The following AK5 variants were observed in gnomAD, a reference collection of about 807,000 sequenced individuals.
AK5 encodes adenylate kinase 5, also known as adenylate kinase isoenzyme 5.
In AK5, 27 loss-of-function variants were observed where a neutral mutation model predicts 69.5. The observed-to-expected ratio is 0.39, with a 90% CI of 0.29 to 0.54. AK5 has a LOEUF of 0.54. Ranked by LOEUF, AK5 falls within the 20% of genes least tolerant of loss-of-function variation. AK5 has a pLI of 0.71. For synonymous variants in AK5, 260 were observed against 244.4 expected (o/e 1.06, Z -0.60); for missense variants, 531 against 700.4 (o/e 0.76, Z 2.73).
chr1:77,497,047 G>C (rs990704341), intron 10 of AK5, among the ~76,000 whole-genome samples: 1 of 152,174 alleles, frequency 6.6e-6, no homozygotes. Flanking sequence ...TTGTTCTTTC[G>C]CTTTTCACAA....
At position 77,454,650 on chromosome 1, in the gene AK5, T is replaced by A. The variant is rs1653362612; in HGVS notation, c.1060-28667T>A. On this transcript the variant is annotated intron_variant, in intron 8 of 13. Coordinates refer to ENST00000354567, the MANE Select transcript of AK5 (RefSeq NM_174858.3). ...AATTAATGTTTATCACCAAAACAAA[T>A]CATTATCAGGCAAAGTCAAGTTGAA... is the stretch of plus-strand genomic sequence containing the variant. Among the ~76,000 whole-genome samples the A allele has an allele frequency of 2.0e-5, 3 of 152,228 alleles. No individual in the cohort carries two copies. The South Asian group carries it at 6.2e-4, about 32-fold the overall frequency.
At chr1:77,510,453 T>A (rs1162296807) in intron 10 of AK5, among the ~76,000 whole-genome samples, 1 of 152,030 alleles carries the variant, frequency 6.6e-6, no homozygotes, top group Non-Finnish European at 1.5e-5. Context: ...TATGAGATAG[T>A]TTCCAAGAGG....
At chr1:77,387,688 G>T (rs549799827) in intron 6 of AK5, among the ~76,000 whole-genome samples, 74 of 152,188 alleles carry the variant, frequency 4.9e-4, no homozygotes, top group Non-Finnish European at 9.7e-4. Context: ...TCATTTATAG[G>T]TGAAGAAGCT....
chr1:77,407,284 G>T (rs140533069), intron 6 of AK5, among the ~76,000 whole-genome samples: 405 of 152,120 alleles, frequency 2.7e-3, no homozygotes, highest in African/African-American at 9.6e-3. Flanking sequence ...ATCCAGGATG[G>T]GCTTAATATA....
Position 77,558,774 on chromosome 1 carries a change from A to AACC in AK5, c.*111_*113dup. 3 of 768,112 alleles carry AACC rather than the reference A, an allele frequency of 3.9e-6. No homozygotes were observed. In the South Asian group the frequency reaches 4.8e-5, roughly 12 times the overall value. The allele number at this position is 768,112 out of a possible 1,614,324, so 47.6% of individuals were successfully genotyped here. A position where few individuals can be genotyped will look rare whatever the true frequency, so the allele number is the denominator to read the frequency against. ...AACCTTTTGTGTCACCGCCCCCACC[A>AACC]ACCACCACCTCCTAAATCCTGACAG... On this transcript the variant is annotated 3_prime_UTR_variant, in exon 14 of 14. Coordinates refer to ENST00000354567, the MANE Select transcript of AK5 (RefSeq NM_174858.3).
chr1:77,524,779 G>A (rs915170884), intron 12 of AK5, among the ~76,000 whole-genome samples: 42 of 151,822 alleles, frequency 2.8e-4, no homozygotes, highest in African/African-American at 8.5e-4. Flanking sequence ...TACTTCTGTT[G>A]CCTGTGCTTT....
At chr1:77,475,218 C>A (rs953397971) in intron 8 of AK5, among the ~76,000 whole-genome samples, 2 of 138,246 alleles carry the variant, frequency 1.4e-5, no homozygotes, top group South Asian at 2.3e-4. Flanking sequence ...TGTGTGTATT[C>A]TATATACTCC....
intron 13 of AK5, among the ~76,000 whole-genome samples, chr1:77,544,536 C>CTT (rs568631524): frequency 1.4e-5 from 2 of 144,748 alleles, no homozygotes; most frequent in African/African-American, 2.5e-5. Flanking sequence ...TAAAAAAAGT[C>CTT]TTTTTTTTTT....
intron 10 of AK5, among the ~76,000 whole-genome samples, chr1:77,490,894 T>C (rs542308073): frequency 4.6e-5 from 7 of 152,124 alleles, no homozygotes; most frequent in Admixed American, 1.3e-4. Context: ...AAATGTGACA[T>C]AATCTAAATT....
At chr1:77,300,508 A>G (rs558180360) in intron 5 of AK5, among the ~76,000 whole-genome samples, 1 of 152,180 alleles carries the variant, frequency 6.6e-6, no homozygotes, top group Non-Finnish European at 1.5e-5. Flanking sequence ...AAGCAGTGTC[A>G]GGGTCAGCCC....
chr1:77,429,110 T>C (rs1341205647), intron 8 of AK5, among the ~76,000 whole-genome samples: 5 of 152,232 alleles, frequency 3.3e-5, no homozygotes, highest in African/African-American at 4.8e-5. Flanking sequence ...CCTTTGGGTA[T>C]ATACCCAGTA....
chr1:77,450,846 T>C (rs1449986807), intron 8 of AK5, among the ~76,000 whole-genome samples: 1 of 152,224 alleles, frequency 6.6e-6, no homozygotes, highest in Non-Finnish European at 1.5e-5. Flanking sequence ...TTGATTTCCT[T>C]ATTTTGTTAA....
At position 77,357,992 on chromosome 1, in the gene AK5, A is replaced by AGTGTGTGTGTGTGT. The variant is rs10643921; in HGVS notation, c.891+17438_891+17451dup. ...AAAACATGTAATATTTATGGAGAGT[A>AGTGTGTGTGTGTGT]GTGTGTGTGTGTGTGTGTGTGTGTG... is the stretch of plus-strand genomic sequence containing the variant. On this transcript the variant is annotated intron_variant, in intron 6 of 13. Coordinates refer to ENST00000354567, the MANE Select transcript of AK5 (RefSeq NM_174858.3). Among the ~76,000 whole-genome samples, 864 of 121,054 alleles carry AGTGTGTGTGTGTGT rather than the reference A, an allele frequency of 7.1e-3. 7 individuals are homozygous for AGTGTGTGTGTGTGT. The highest frequency in any genetic ancestry group is 0.012 in the African/African-American group (396 of 33,988). 79.4% of individuals were successfully genotyped at this position (121,054 alleles called of 152,430 possible).
At chr1:77,458,615 A>G (rs1019966297) in intron 8 of AK5, among the ~76,000 whole-genome samples, 2 of 152,202 alleles carry the variant, frequency 1.3e-5, no homozygotes, top group Non-Finnish European at 2.9e-5. Flanking sequence ...GCAGGCAAAG[A>G]GAGAGCTTGT....
chr1:77,372,058 C>A (rs184023060), intron 6 of AK5, among the ~76,000 whole-genome samples: 3 of 152,240 alleles, frequency 2.0e-5, no homozygotes, highest in African/African-American at 4.8e-5. Flanking sequence ...CTTACTAATG[C>A]AACATGTGCT....
chr1:77,533,796 T>C (rs1049850549), intron 12 of AK5, among the ~76,000 whole-genome samples: 1 of 152,102 alleles, frequency 6.6e-6, no homozygotes, highest in Non-Finnish European at 1.5e-5. Context: ...AACCCCACAA[T>C]TGGAAAAATC....
chr1:77,304,966 G>T (rs1197755188), intron 5 of AK5, among the ~76,000 whole-genome samples: 3 of 152,132 alleles, frequency 2.0e-5, no homozygotes, highest in Non-Finnish European at 4.4e-5. Flanking sequence ...AGTGTACGAG[G>T]ATTCCCTTTT....
chr1:77,529,698 A>G (rs535545262), intron 12 of AK5, among the ~76,000 whole-genome samples: 32 of 152,330 alleles, frequency 2.1e-4, no homozygotes, highest in African/African-American at 7.5e-4. Context: ...GTATTAAGCC[A>G]ATCTCATACT....
At chr1:77,544,468 G>A (rs1361461407) in intron 13 of AK5, among the ~76,000 whole-genome samples, 1 of 151,620 alleles carries the variant, frequency 6.6e-6, no homozygotes, top group African/African-American at 2.4e-5. Context: ...CAAACACATT[G>A]TACAGACGTA....
Sources: gnomAD v4.1 joint callset for allele counts (sites outside exome capture counted in the v4.1 genomes callset) on GRCh38, gnomAD v4.1.1 for gene constraint, MANE v1.5 for transcripts, NCBI Gene and HGNC (gene_info 2026-07-23, HGNC 2026-07-21) for gene names.